The following AGAP1 variants were observed in gnomAD, a reference collection of about 807,000 sequenced individuals.
The protein encoded by AGAP1 is ArfGAP with GTPase domain, ankyrin repeat and PH domain 1.
AGAP1 carries 29 observed loss-of-function variants against 105.3 expected under a neutral mutation model. The observed-to-expected ratio is 0.28, with a 90% CI of 0.21 to 0.38. The LOEUF (loss-of-function observed/expected upper bound fraction) is 0.38, where lower values mean the gene tolerates loss of function less well. Among genes scored for constraint, AGAP1 ranks in the 10% least tolerant of loss-of-function variants. AGAP1 has a pLI of 1.00. For missense variants in AGAP1, 998 were observed against 1,165.1 expected, an observed-to-expected ratio of 0.86 and a Z score of 2.09; for synonymous variants, 509 against 485.9, an observed-to-expected ratio of 1.05 and a Z score of -0.63.
rs902025882 is a variant in AGAP1 at position 235,736,500 on chromosome 2, A to G, written c.311-4463A>G. Among the ~76,000 whole-genome samples, 8 of 152,122 alleles carry G rather than the reference A, an allele frequency of 5.3e-5. No homozygotes were observed. The highest frequency in any genetic ancestry group is 1.3e-4 in the Admixed American group (2 of 15,276). The stretch of plus-strand genomic sequence containing the variant: ...GGTGGGCGAACCAGACCTGCAGGAA[A>G]ATACATGGAAATGGGGACAAAACAG... On this transcript the variant is annotated intron_variant, in intron 3 of 17. Coordinates refer to ENST00000304032, the MANE Select transcript of AGAP1 (RefSeq NM_001037131.3). This position sits in a 1 kb window ranked among gnomAD's most constrained non-coding sequence, Gnocchi z 5.5.
chr2:235,506,379 C>T (rs1304476437), intron 1 of AGAP1, among the ~76,000 whole-genome samples: 6 of 152,106 alleles, frequency 3.9e-5, no homozygotes, highest in Non-Finnish European at 8.8e-5. Context: ...CCAGCCTAGG[C>T]ACAGTGGCAA....
intron 1 of AGAP1, among the ~76,000 whole-genome samples, chr2:235,677,529 G>A (rs1340085784): frequency 2.6e-5 from 4 of 152,140 alleles, no homozygotes; most frequent in African/African-American, 7.2e-5. Context: ...TGGTGTGATC[G>A]TTAGGTCCAA....
At chr2:235,638,989 T>G (rs1226039291) in intron 1 of AGAP1, among the ~76,000 whole-genome samples, 1 of 152,034 alleles carries the variant, frequency 6.6e-6, no homozygotes, top group African/African-American at 2.4e-5. Context: ...AAATGTCCAC[T>G]GGGGGGCAGA....
At chr2:235,802,965 ATGATGGTTGTGGTTG>A (rs1957603677) in intron 8 of AGAP1, among the ~76,000 whole-genome samples, 1 of 44,896 alleles carries the variant, frequency 2.2e-5, no homozygotes, top group Non-Finnish European at 4.3e-5. Context: ...GATGGTTGTG[ATGATGGTTGTGGTTG>A]TGATGGTTGT....
At chr2:235,671,088 G>A in intron 1 of AGAP1, 1 of 1,258,934 alleles carries the variant, frequency 7.9e-7, no homozygotes. Flanking sequence ...TCCCGGGACG[G>A]GAAGGGGCGT....
intron 1 of AGAP1, among the ~76,000 whole-genome samples, chr2:235,560,442 A>T (rs945096936): frequency 6.6e-6 from 1 of 152,044 alleles, no homozygotes; most frequent in Non-Finnish European, 1.5e-5. Flanking sequence ...TAATCCCCAG[A>T]ACTTGCGATG....
At chr2:235,898,092 C>A (rs757306779) in intron 10 of AGAP1, among the ~76,000 whole-genome samples, 7 of 152,240 alleles carry the variant, frequency 4.6e-5, no homozygotes, top group Non-Finnish European at 1.0e-4. Flanking sequence ...TAAAAATCCG[C>A]TGATGATTAC....
chr2:235,876,898 A>G (rs1312870885), intron 9 of AGAP1, among the ~76,000 whole-genome samples: 1 of 139,368 alleles, frequency 7.2e-6, no homozygotes, highest in Non-Finnish European at 1.5e-5. Context: ...CCCAGTCTGG[A>G]GTGCAATGGC....
intron 1 of AGAP1, among the ~76,000 whole-genome samples, chr2:235,656,379 T>G (rs765210107): frequency 4.6e-5 from 7 of 152,206 alleles, no homozygotes; most frequent in Non-Finnish European, 1.0e-4. Context: ...AAAGAATCAG[T>G]ATGTCAGTAT....
At chr2:235,649,106 G>T (rs571092551) in intron 1 of AGAP1, among the ~76,000 whole-genome samples, 1 of 152,262 alleles carries the variant, frequency 6.6e-6, no homozygotes, top group South Asian at 2.1e-4. Flanking sequence ...GAACATTCTT[G>T]CATTGGAATT....
chr2:235,640,124 G>C (rs2149304056), intron 1 of AGAP1, among the ~76,000 whole-genome samples: 1 of 152,332 alleles, frequency 6.6e-6, no homozygotes, highest in South Asian at 2.1e-4. Flanking sequence ...GGCAGTTCTA[G>C]GGTGAGGTGG....
In AGAP1 at chr2:235,824,487, A is replaced by G. The variant is rs971710242; in HGVS notation, c.1050+17156A>G. On this transcript the variant is annotated intron_variant, in intron 9 of 17. Coordinates refer to ENST00000304032, the MANE Select transcript of AGAP1 (RefSeq NM_001037131.3). This position sits in a 1 kb window ranked among gnomAD's most constrained non-coding sequence, Gnocchi z 5.2. ...CAGCCAATCAAAAAGAGATACTTGT[A>G]AACTCATTTACAGCGTCAGTGTGTG... 6.6e-6 allele frequency among the ~76,000 whole-genome samples: 1 copy of G among 152,246 alleles called. No homozygotes were observed. Among genetic ancestry groups the G allele is most frequent in the South Asian group, 2.1e-4 (1 of 4,836 alleles).
chr2:235,954,522 G>A (rs1234659549), intron 12 of AGAP1, among the ~76,000 whole-genome samples: 1 of 149,916 alleles, frequency 6.7e-6, no homozygotes, highest in Non-Finnish European at 1.5e-5. Flanking sequence ...TTTGGCGGAA[G>A]TGACTTGCAT....
intron 1 of AGAP1, among the ~76,000 whole-genome samples, chr2:235,676,880 A>G (rs1489328031): frequency 1.3e-5 from 2 of 152,258 alleles, no homozygotes; most frequent in East Asian, 3.8e-4. Flanking sequence ...AGCTGCACTC[A>G]TGTCGCCAGG....
At chr2:236,011,834 G>A (rs2056521417) in intron 13 of AGAP1, among the ~76,000 whole-genome samples, 6 of 152,022 alleles carry the variant, frequency 3.9e-5, no homozygotes, top group Admixed American at 3.9e-4. Context: ...ACCAGAGGGA[G>A]GCTGCCAGTG....
chr2:236,048,916 T>A, intron 15 of AGAP1, 143 bp from the exon 16 acceptor site: 1 of 723,440 alleles, frequency 1.4e-6, no homozygotes, highest in Non-Finnish European at 2.3e-6. Flanking sequence ...GACTGAGCAC[T>A]GGCTAGGGAG....
intron 8 of AGAP1, among the ~76,000 whole-genome samples, chr2:235,802,815 T>A (rs146464470): frequency 3.4e-4 from 20 of 59,442 alleles, no homozygotes; most frequent in South Asian, 2.6e-3. Flanking sequence ...GTGGTGGTGG[T>A]GATGTTGTGG....
intron 9 of AGAP1, among the ~76,000 whole-genome samples, chr2:235,839,551 G>C (rs190026066): frequency 9.2e-4 from 140 of 152,328 alleles, no homozygotes; most frequent in Middle Eastern, 3.4e-3. Flanking sequence ...TCGCACTGCT[G>C]CACTCCAGCC....
chr2:235,985,197 T>C (rs1251250237), intron 13 of AGAP1, among the ~76,000 whole-genome samples: 2 of 152,242 alleles, frequency 1.3e-5, no homozygotes, highest in Non-Finnish European at 2.9e-5. Context: ...ATTTCTCTGA[T>C]GATCAGTGAG....
Sources: allele counts gnomAD v4.1 joint callset (sites outside exome capture counted in the v4.1 genomes callset), GRCh38; gene constraint gnomAD v4.1.1; non-coding constraint Gnocchi (gnomAD v3.1); transcripts MANE v1.5; gene names NCBI Gene and HGNC (gene_info 2026-07-23, HGNC 2026-07-21).